Variants in NBEA observed in about 807,000 individuals in gnomAD.
NBEA encodes the protein lysosomal-trafficking regulator 2.
NBEA carries 44 observed loss-of-function variants against 343.4 expected under a neutral mutation model. The observed-to-expected ratio is 0.13, with a 90% CI of 0.10 to 0.16. The LOEUF is 0.16. Ranked by LOEUF, NBEA falls within the 10% of genes least tolerant of loss-of-function variation. The pLI is 1.00. For synonymous variants in NBEA, 1,175 were observed against 1,238.7 expected, an observed-to-expected ratio of 0.95 and a Z score of 1.08; for missense variants, 2,555 against 3,631.3, an observed-to-expected ratio of 0.70 and a Z score of 7.62.
chr13:35,236,297 A>C (rs2075224935), intron 34 of NBEA, among the ~76,000 whole-genome samples: 1 of 152,140 alleles, frequency 6.6e-6, no homozygotes, highest in Non-Finnish European at 1.5e-5. Flanking sequence ...TCCAGACCCA[A>C]CTAGTCTTTA....
At chr13:35,616,218 C>T (rs368377579) in intron 48 of NBEA, among the ~76,000 whole-genome samples, 9 of 152,108 alleles carry the variant, frequency 5.9e-5, no homozygotes, top group African/African-American at 2.2e-4. Context: ...GTAGTGTCCC[C>T]TTGTTCCGTC....
intron 6 of NBEA, among the ~76,000 whole-genome samples, chr13:35,052,284 A>G (rs2063090446): frequency 6.6e-6 from 1 of 152,008 alleles, no homozygotes; most frequent in African/African-American, 2.4e-5. Flanking sequence ...TCAAAAAGAA[A>G]TCTTTACATT....
chr13:35,298,060 A>T (rs970209392), intron 35 of NBEA, among the ~76,000 whole-genome samples: 5 of 151,616 alleles, frequency 3.3e-5, no homozygotes, highest in Non-Finnish European at 7.4e-5. Context: ...CCAATAACAT[A>T]AGCCATCAGT....
chr13:35,422,229 T>C, intron 38 of NBEA, among the ~76,000 whole-genome samples: 1 of 151,504 alleles, frequency 6.6e-6, no homozygotes. Context: ...ACACGTGCCA[T>C]GTTGGTATGC....
intron 1 of NBEA, among the ~76,000 whole-genome samples, chr13:34,964,771 A>G (rs972443261): frequency 6.6e-6 from 1 of 152,012 alleles, no homozygotes; most frequent in South Asian, 2.1e-4. Context: ...GGAGAACGTT[A>G]TCTATGTCTC....
intron 38 of NBEA, among the ~76,000 whole-genome samples, chr13:35,393,852 G>A (rs1388855359): frequency 8.6e-5 from 13 of 152,024 alleles, no homozygotes; most frequent in Admixed American, 8.5e-4. Flanking sequence ...CTTAAGTTAT[G>A]TACCTTATTA....
intron 38 of NBEA, among the ~76,000 whole-genome samples, chr13:35,352,669 C>T (rs994716653): frequency 1.3e-5 from 2 of 152,024 alleles, no homozygotes; most frequent in African/African-American, 2.4e-5. Flanking sequence ...CTTTTAGAGT[C>T]AACTCTTCCT....
At chr13:34,993,050 A>G (rs1035559998) in intron 1 of NBEA, among the ~76,000 whole-genome samples, 1 of 152,004 alleles carries the variant, frequency 6.6e-6, no homozygotes, top group Non-Finnish European at 1.5e-5. Flanking sequence ...ATCTCCTGCT[A>G]CTGTTGCATT....
intron 38 of NBEA, among the ~76,000 whole-genome samples, chr13:35,401,550 T>G (rs948238065): frequency 1.7e-4 from 26 of 152,048 alleles, no homozygotes; most frequent in Admixed American, 2.6e-4. Flanking sequence ...GTTAATCAAG[T>G]CTTCCTAAGT....
intron 27 of NBEA, among the ~76,000 whole-genome samples, chr13:35,174,365 T>TAAAATTACAG (rs2070712226): frequency 3.9e-5 from 6 of 152,152 alleles, no homozygotes; most frequent in Non-Finnish European, 8.8e-5. Flanking sequence ...GGGTTGTTCC[T>TAAAATTACAG]TCTGTTTGTT....
chr13:35,238,978 G>A (rs530597452), intron 34 of NBEA, among the ~76,000 whole-genome samples: 21 of 151,968 alleles, frequency 1.4e-4, no homozygotes, highest in Middle Eastern at 3.4e-3. Context: ...TAGCATTATA[G>A]GCACATAATC....
intron 49 of NBEA, among the ~76,000 whole-genome samples, chr13:35,644,262 C>T (rs1299017749): frequency 1.3e-5 from 2 of 152,154 alleles, no homozygotes; most frequent in Non-Finnish European, 2.9e-5. Context: ...GTCACAATCT[C>T]GTCTTTATCC....
chr13:35,436,636 G>C (rs1317929738), intron 39 of NBEA, among the ~76,000 whole-genome samples: 2 of 151,712 alleles, frequency 1.3e-5, no homozygotes, highest in East Asian at 3.9e-4. Context: ...CATGAGCCCG[G>C]GAGACGGAGC....
At chr13:34,999,155 A>G (rs1219751923) in intron 1 of NBEA, among the ~76,000 whole-genome samples, 1 of 152,134 alleles carries the variant, frequency 6.6e-6, no homozygotes, top group Non-Finnish European at 1.5e-5. Flanking sequence ...AAATTGGGGT[A>G]AGAATCCTTC....
chr13:35,421,755 T>A (rs569122781), intron 38 of NBEA, among the ~76,000 whole-genome samples: 6 of 152,278 alleles, frequency 3.9e-5, no homozygotes, highest in African/African-American at 1.4e-4. Flanking sequence ...ATGTCTTCAC[T>A]TGTTATTTCT....
chr13:35,138,547 C>T (rs2067876466), intron 17 of NBEA, among the ~76,000 whole-genome samples: 2 of 151,602 alleles, frequency 1.3e-5, no homozygotes, highest in Admixed American at 1.3e-4. Flanking sequence ...GCAACCTACA[C>T]CTCCCATGTT....
chr13:34,988,624 G>T (rs2060643979), intron 1 of NBEA, among the ~76,000 whole-genome samples: 1 of 151,074 alleles, frequency 6.6e-6, no homozygotes, highest in Non-Finnish European at 1.5e-5. Flanking sequence ...ATAATCTCCT[G>T]TTGTGCCATT....
chr13:35,380,553 G>A (rs975893614), intron 38 of NBEA, among the ~76,000 whole-genome samples: 4 of 152,116 alleles, frequency 2.6e-5, no homozygotes, highest in African/African-American at 7.2e-5. Flanking sequence ...TGAAGCTGCT[G>A]TAAAAAATAT....
intron 38 of NBEA, among the ~76,000 whole-genome samples, chr13:35,371,708 T>C (rs1381917153): frequency 2.0e-5 from 3 of 152,200 alleles, no homozygotes; most frequent in African/African-American, 4.8e-5. Flanking sequence ...TATGTTGATA[T>C]CTGCACATCT....
Sources: gnomAD v4.1 joint callset for allele counts (sites outside exome capture counted in the v4.1 genomes callset) on GRCh38, gnomAD v4.1.1 for gene constraint, MANE v1.5 for transcripts, NCBI Gene and HGNC (gene_info 2026-07-23, HGNC 2026-07-21) for gene names.